The following TTLL6 variants were observed in gnomAD, a reference collection of about 807,000 sequenced individuals.
TTLL6 encodes tubulin polyglutamylase TTLL6.
Under a neutral mutation model 96.4 loss-of-function variants are expected in TTLL6, and 75 were observed. The ratio of observed to expected loss-of-function variants is 0.78; its 90% CI spans 0.65 to 0.94. The LOEUF (loss-of-function observed/expected upper bound fraction) is 0.94. Ranked by LOEUF, TTLL6 falls within the 40% of genes least tolerant of loss-of-function variation. The probability of loss-of-function intolerance (pLI) is 0.00; values close to 1 mark genes in which losing one functional copy is unlikely to be tolerated. For synonymous variants in TTLL6, 411 were observed against 419.4 expected, an observed-to-expected ratio of 0.98 and a Z score of 0.24; for missense variants, 1,030 against 1,093.0, an observed-to-expected ratio of 0.94 and a Z score of 0.81.
chr17:48,788,251 T>C (rs1453185923), intron 10 of TTLL6, among the ~76,000 whole-genome samples: 1 of 152,252 alleles, frequency 6.6e-6, no homozygotes, highest in African/African-American at 2.4e-5. Context: ...AATTCTGTCC[T>C]GTTCCAAGTA....
rs2039138258 is a variant in TTLL6 at position 48,787,942 on chromosome 17, C to A, written c.1458G>T (p.Glu486Asp). ...GTCGGAACCCTCCACAGTTTTCCTT[C>A]TCATACGTTTCAGTTTTCTTTAACT... ...AVQLKKTETY[E>D]KENCGGFRLI... The change falls in exon 11 of 16, where the codon GAG (glutamate) becomes GAT (aspartate). Residue 486 changes from glutamate to aspartate, a missense_variant. Coordinates refer to ENST00000393382, the MANE Select transcript of TTLL6 (RefSeq NM_001130918.3). The A allele has an allele frequency of 6.2e-7, 1 of 1,614,078 alleles. No individual in the cohort carries two copies. The highest frequency in any genetic ancestry group is 1.3e-5 in the African/African-American group (1 of 74,938).
At chr17:48,775,044 G>T (rs1472235619) in intron 13 of TTLL6, among the ~76,000 whole-genome samples, 24 of 151,758 alleles carry the variant, frequency 1.6e-4, no homozygotes, top group Admixed American at 1.1e-3. Flanking sequence ...TGGGGCAGGA[G>T]AATTGATTGA....
intron 2 of TTLL6, chr17:48,804,290 C>T (rs1158328132): frequency 6.0e-6 from 3 of 499,288 alleles, no homozygotes; most frequent in South Asian, 4.6e-5. Flanking sequence ...TTCCTCTTCC[C>T]CCCATTAAGG....
chr17:48,785,826 GT>G (rs143196006), intron 12 of TTLL6, among the ~76,000 whole-genome samples: 325 of 152,284 alleles, frequency 2.1e-3, no homozygotes, highest in Non-Finnish European at 3.8e-3. Flanking sequence ...CCAAGCTGCA[GT>G]TGAGGACCAG....
intron 13 of TTLL6, among the ~76,000 whole-genome samples, chr17:48,779,241 A>C (rs1175355585): frequency 6.7e-6 from 1 of 150,334 alleles, no homozygotes; most frequent in African/African-American, 2.4e-5. Context: ...TCAAATTTAA[A>C]AGACAGGGAG....
At chr17:48,799,462 G>T in intron 6 of TTLL6, 142 bp downstream of exon 6, 1 of 811,364 alleles carries the variant, frequency 1.2e-6, no homozygotes, top group Non-Finnish European at 1.9e-6. Flanking sequence ...CAGAACGTTT[G>T]GTCTGACAAA....
At position 48,768,415 on chromosome 17, in the gene TTLL6, C is replaced by T. The variant is rs1002695338; in HGVS notation, c.*574G>A. Among the ~76,000 whole-genome samples the T allele has an allele frequency of 5.9e-5, 9 of 152,310 alleles. No homozygotes were observed. In the South Asian group the frequency reaches 8.3e-4, roughly 14 times the overall value. The stretch of plus-strand genomic sequence containing the variant: ...CCTCCCGAGTGGCTGGGACCACAGG[C>T]GGGTGCCACCATGCCCAGCTAATTT... On this transcript the variant is annotated intron_variant, in intron 15 of 15. Coordinates refer to ENST00000393382, the MANE Select transcript of TTLL6 (RefSeq NM_001130918.3).
chr17:48,780,185 G>A (rs1385530910), intron 13 of TTLL6, among the ~76,000 whole-genome samples: 3 of 151,832 alleles, frequency 2.0e-5, no homozygotes, highest in African/African-American at 4.8e-5. Context: ...TGCTCTGGTC[G>A]CCCAGGCTGG....
intron 1 of TTLL6, among the ~76,000 whole-genome samples, chr17:48,811,319 C>T (rs940582210): frequency 2.0e-5 from 3 of 151,998 alleles, no homozygotes; most frequent in Non-Finnish European, 4.4e-5. Context: ...ATCCACCCAC[C>T]TTGGCCACTC....
intron 13 of TTLL6, 48 bp from the exon 14 acceptor site, chr17:48,770,145 C>T (rs746544280): frequency 1.3e-6 from 2 of 1,529,970 alleles, no homozygotes; most frequent in Non-Finnish European, 1.8e-6. Flanking sequence ...GCAAAGGGTT[C>T]CTTCCTATGC....
chr17:48,788,428 C>T (rs1471084690), intron 10 of TTLL6, among the ~76,000 whole-genome samples: 1 of 152,226 alleles, frequency 6.6e-6, no homozygotes, highest in Non-Finnish European at 1.5e-5. Context: ...TGATCTCATT[C>T]TTCCTCACAG....
intron 15 of TTLL6, chr17:48,765,668 C>T (rs1230366409): frequency 6.6e-6 from 1 of 152,240 alleles, no homozygotes; most frequent in Non-Finnish European, 1.5e-5. Flanking sequence ...TCTTGGTTTA[C>T]CCCTCCTTAG....
At chr17:48,816,928 G>T in intron 1 of TTLL6, 42 bp downstream of exon 1, 1 of 1,428,950 alleles carries the variant, frequency 7.0e-7, no homozygotes, top group Non-Finnish European at 9.4e-7. Flanking sequence ...GCACCAGGAG[G>T]CTGCGGTCTG....
chr17:48,768,396 G>A (rs569914792), intron 15 of TTLL6, among the ~76,000 whole-genome samples: 15 of 152,158 alleles, frequency 9.9e-5, no homozygotes, highest in South Asian at 4.2e-4. Flanking sequence ...TCAGCCTCCC[G>A]AGTGGCTGGG....
At chr17:48,779,353 C>CAAAAAAAAA (rs35763170) in intron 13 of TTLL6, among the ~76,000 whole-genome samples, 2 of 46,262 alleles carry the variant, frequency 4.3e-5, no homozygotes, top group African/African-American at 9.2e-5. Context: ...GACTCTGTCT[C>CAAAAAAAAA]AAAAAAAAAA....
At chr17:48,795,026 C>T (rs1262950946) in intron 8 of TTLL6, among the ~76,000 whole-genome samples, 1 of 152,096 alleles carries the variant, frequency 6.6e-6, no homozygotes, top group Non-Finnish European at 1.5e-5. Flanking sequence ...CATAGTGTTG[C>T]TGTGAAAAAT....
chr17:48,817,219 G>A lies in TTLL6; in HGVS notation c.-147C>T. The A allele has an allele frequency of 3.6e-6, 2 of 559,546 alleles. No homozygotes were observed. Among genetic ancestry groups the A allele is most frequent in the South Asian group, 5.1e-5 (2 of 38,960 alleles). The allele number at this position is 559,546 out of a possible 1,614,324, so 34.7% of individuals were successfully genotyped here. A position where few individuals can be genotyped will look rare whatever the true frequency, so the allele number is the denominator to read the frequency against. On this transcript the variant is annotated 5_prime_UTR_variant, in exon 1 of 16. Transcript: ENST00000393382. Reference sequence around the variant, plus strand: ...CCCTCCCTCCCGAATCCAATTAACCGCCCAGGCGCTAGGGGAGGGGCGCGC... The same window carrying A: ...CCCTCCCTCCCGAATCCAATTAACCACCCAGGCGCTAGGGGAGGGGCGCGC...
rs2038871412 is a variant in TTLL6 at position 48,776,385 on chromosome 17, T to C, written c.2041-6288A>G. ...CTGAGGCAGGGGAATCACTTGAACC[T>C]GGGAGGTGGAGGTTGCAGTGAGCCG... is the stretch of plus-strand genomic sequence containing the variant. On this transcript the variant is annotated intron_variant, in intron 13 of 15. Coordinates refer to ENST00000393382, the MANE Select transcript of TTLL6 (RefSeq NM_001130918.3). 2.0e-5 allele frequency among the ~76,000 whole-genome samples: 3 copies of C among 152,092 alleles called. No homozygotes were observed. In the South Asian group the frequency reaches 6.2e-4, roughly 32 times the overall value.
chr17:48,805,754 T>G lies in TTLL6; in HGVS notation c.104-763A>C, dbSNP rs188090153. On this transcript the variant is annotated intron_variant, in intron 1 of 15. Coordinates refer to ENST00000393382, the MANE Select transcript of TTLL6 (RefSeq NM_001130918.3). ...CTGGGAGGCCAAGGCGGGCAGATCA[T>G]TTGAGGTCAGACGTTTGAGACCAGC... Among the ~76,000 whole-genome samples, 248 of 152,096 alleles carry G rather than the reference T, an allele frequency of 1.6e-3. 1 individual carries two copies. Among genetic ancestry groups the G allele is most frequent in the African/African-American group, 5.9e-3 (243 of 41,504 alleles).
Sources: allele counts gnomAD v4.1 joint callset (sites outside exome capture counted in the v4.1 genomes callset), GRCh38; gene constraint gnomAD v4.1.1; transcripts MANE v1.5; gene names NCBI Gene and HGNC (gene_info 2026-07-23, HGNC 2026-07-21).